The following FGF13 variants were observed in gnomAD, a reference collection of about 807,000 sequenced individuals.
The protein encoded by FGF13 is fibroblast growth factor 13, also known as fibroblast growth factor homologous factor 2.
FGF13 carries 2 observed loss-of-function variants against 19.5 expected under a neutral mutation model. The observed-to-expected ratio is 0.10, with a 90% CI of 0.04 to 0.32. FGF13 has a LOEUF of 0.32. FGF13 is among the 10% of genes least tolerant of loss of function. FGF13 has a pLI of 1.00. For synonymous variants in FGF13, 72 were observed against 76.9 expected, an observed-to-expected ratio of 0.94 and a Z score of 0.33; for missense variants, 113 against 192.7, an observed-to-expected ratio of 0.59 and a Z score of 2.45.
intron 3 of FGF13, among the ~76,000 whole-genome samples, chrX:138,649,684 T>A (rs182660670): frequency 8.9e-6 from 1 of 112,455 alleles, no homozygotes; most frequent in African/African-American, 3.2e-5. Context: ...CATTCAATTA[T>A]GTGTGCTGGT....
intron 1 of FGF13, among the ~76,000 whole-genome samples, chrX:139,056,090 G>A (rs2092319974): frequency 8.9e-6 from 1 of 112,155 alleles, no homozygotes; most frequent in South Asian, 3.7e-4. Flanking sequence ...AGTGTCTGGG[G>A]AATCCCCAAA....
At position 139,136,362 on chromosome X, in the gene FGF13, G is replaced by A. The variant is rs1296761943; in HGVS notation, c.-113+67054C>T. Among the ~76,000 whole-genome samples the A allele has an allele frequency of 4.9e-4, 4 of 8,162 alleles. No individual in the cohort carries two copies. In the East Asian group the frequency reaches 0.01, roughly 21 times the overall value. The allele number at this position is 8,162 out of a possible 115,157, so 7.1% of individuals were successfully genotyped here. Reference sequence around the variant, plus strand: ...TTATCCCTGCCCCCCCACCCTCCCCGTTCTGAGTCTCTAAAGTCCATTATA... The same window carrying A: ...TTATCCCTGCCCCCCCACCCTCCCCATTCTGAGTCTCTAAAGTCCATTATA... On this transcript the variant is annotated intron_variant, in intron 1 of 2. Transcript: ENST00000421460.
intron 1 of FGF13, among the ~76,000 whole-genome samples, chrX:139,020,142 GACAA>G (rs2092172137): frequency 1.8e-5 from 2 of 110,896 alleles, no homozygotes; most frequent in African/African-American, 6.6e-5. Flanking sequence ...TTATAAGAAG[GACAA>G]AAAATGATGA....
rs1326599333 is a variant in FGF13 at position 138,618,283 on chromosome X, A to G, written c.*14567T>C. 1 of 111,642 alleles carries G rather than the reference A, an allele frequency of 9.0e-6. No homozygotes were observed. Among genetic ancestry groups the G allele is most frequent in the African/African-American group, 3.3e-5 (1 of 30,643 alleles). The allele number at this position is 111,642 out of a possible 1,213,427, so 9.2% of individuals were successfully genotyped here. A position where few individuals can be genotyped will look rare whatever the true frequency, so the allele number is the denominator to read the frequency against. ...AGCTAGCAGAACTCAACACCAAGAG[A>G]TACAACTTTGACTCATGATTTCTCC... On this transcript the variant is annotated 3_prime_UTR_variant, in exon 5 of 5. Coordinates refer to ENST00000315930, the MANE Select transcript of FGF13 (RefSeq NM_004114.5).
At chrX:138,808,680 C>G (rs752881075) in intron 3 of FGF13, among the ~76,000 whole-genome samples, 7,870 of 109,289 alleles carry the variant, frequency 0.072, 641 homozygotes, top group African/African-American at 0.23. Flanking sequence ...TCAACAAAAT[C>G]ACTAACAAGA....
intron 1 of FGF13, among the ~76,000 whole-genome samples, chrX:138,943,583 T>C (rs1329100846): frequency 2.7e-5 from 3 of 111,939 alleles, no homozygotes; most frequent in East Asian, 5.6e-4. Flanking sequence ...GTGCCCCACA[T>C]GGATAATTAT....
At chrX:138,903,724 T>G (rs1210978981) in intron 1 of FGF13, among the ~76,000 whole-genome samples, 1 of 112,049 alleles carries the variant, frequency 8.9e-6, no homozygotes, top group Non-Finnish European at 1.9e-5. Context: ...TATTAAAACT[T>G]GAGAAAATTC....
chrX:139,124,020 G>A (rs1344399114), intron 1 of FGF13, among the ~76,000 whole-genome samples: 1 of 111,859 alleles, frequency 8.9e-6, no homozygotes, highest in Non-Finnish European at 1.9e-5. Context: ...TATTCAAACC[G>A]ACCAATCACA....
At chrX:138,806,649 C>G (rs755676089) in intron 3 of FGF13, 4 of 112,071 alleles carry the variant, frequency 3.6e-5, no homozygotes, top group Non-Finnish European at 7.5e-5. Context: ...CCTCATTGAG[C>G]AGATAGAAGA....
At chrX:139,158,477 T>C (rs2083999314) in intron 1 of FGF13, among the ~76,000 whole-genome samples, 3 of 110,715 alleles carry the variant, frequency 2.7e-5, no homozygotes. Flanking sequence ...CCCCTCACAG[T>C]GTAAAGAAAG....
rs202184653 is a variant in FGF13 at position 139,013,479 on chromosome X, T to TTATATATA, written c.-112-148837_-112-148830dup. 3.0e-3 allele frequency among the ~76,000 whole-genome samples: 215 copies of TTATATATA among 70,960 alleles called. 2 individuals are homozygous for TTATATATA. Among genetic ancestry groups the TTATATATA allele is most frequent in the Middle Eastern group, 7.8e-3 (1 of 128 alleles). The allele number at this position is 70,960 out of a possible 115,157, so 61.6% of individuals were successfully genotyped here. Reference sequence around the variant, plus strand: ...AATCAATGAATGGATAAAGAAAATTTTATATATATATATATATATATATAT... The same window carrying TTATATATA: ...AATCAATGAATGGATAAAGAAAATTTTATATATATATATATATATATATATATATATAT... On this transcript the variant is annotated intron_variant, in intron 1 of 2. Transcript: ENST00000421460.
intron 1 of FGF13, among the ~76,000 whole-genome samples, chrX:138,929,854 CTGTGTGTGTGTG>C (rs577806507): frequency 0.045 from 4,326 of 95,916 alleles, 97 homozygotes; most frequent in Non-Finnish European, 0.06. Flanking sequence ...ACTGCCTTAG[CTGTGTGTGTGTG>C]TGTGTGTGTG....
chrX:138,847,071 T>G (rs2091188024), intron 3 of FGF13, among the ~76,000 whole-genome samples: 1 of 111,586 alleles, frequency 9.0e-6, no homozygotes, highest in African/African-American at 3.3e-5. Flanking sequence ...TTAAGATCAC[T>G]TTTTAGCACT....
In FGF13 at chrX:139,022,733, G is replaced by A. The variant is rs57934287; in HGVS notation, c.-112-158083C>T. The stretch of plus-strand genomic sequence containing the variant: ...CAATTCCCACCCCAGCCACATGAAA[G>A]AGCCTCTGCAATCATTTTAAAAGGC... On this transcript the variant is annotated intron_variant, in intron 1 of 2. Transcript: ENST00000421460. Among the ~76,000 whole-genome samples the A allele has an allele frequency of 9.4e-3, 1,047 of 111,050 alleles. 10 individuals are homozygous for A. The highest frequency in any genetic ancestry group is 0.032 in the African/African-American group (973 of 30,578).
chrX:138,992,722 T>C (rs959877617), intron 1 of FGF13, among the ~76,000 whole-genome samples: 4 of 112,039 alleles, frequency 3.6e-5, no homozygotes, highest in African/African-American at 9.7e-5. Flanking sequence ...AACATTGCTA[T>C]TGGGCAAACA....
At chrX:139,055,686 C>T (rs750359000) in intron 1 of FGF13, among the ~76,000 whole-genome samples, 5 of 112,790 alleles carry the variant, frequency 4.4e-5, no homozygotes, top group African/African-American at 1.3e-4. Context: ...ATCGTCTTAT[C>T]CCTTCTTAAA....
At chrX:138,741,221 C>T (rs951251453), upstream of FGF13, among the ~76,000 whole-genome samples, 1 of 111,872 alleles carries the variant, frequency 8.9e-6, no homozygotes, top group African/African-American at 3.3e-5. Context: ...ATTAAGTCAT[C>T]TTAATATGAG....
chrX:138,702,932 A>G, intron 3 of FGF13, 52 bp downstream of exon 3: 2 of 875,323 alleles, frequency 2.3e-6, no homozygotes, highest in Non-Finnish European at 3.4e-6. Flanking sequence ...ATTTTCTTTC[A>G]TATTGGATGA....
rs749144800 is a variant in FGF13 at position 138,618,709 on chromosome X, A to G, written c.*14141T>C. On this transcript the variant is annotated 3_prime_UTR_variant, in exon 5 of 5. Transcript: ENST00000315930. ...TGTGAACTTGTGTGCATGCAGAAGC[A>G]GGCAGCTTGACTCTGTGGGAATGGG... is the stretch of plus-strand genomic sequence containing the variant. 6 of 111,953 alleles carry G rather than the reference A, an allele frequency of 5.4e-5. No individual in the cohort carries two copies. In the East Asian group the frequency reaches 1.7e-3, roughly 32 times the overall value. The allele number at this position is 111,953 out of a possible 1,213,427, so 9.2% of individuals were successfully genotyped here.
Sources: allele counts gnomAD v4.1 joint callset (sites outside exome capture counted in the v4.1 genomes callset), GRCh38; gene constraint gnomAD v4.1.1; transcripts MANE v1.5; gene names NCBI Gene and HGNC (gene_info 2026-07-23, HGNC 2026-07-21).